Variants in ZNF804B observed in about 807,000 individuals in gnomAD.
ZNF804B encodes the protein zinc finger 804B.
A neutral mutation model predicts 101.4 loss-of-function variants in ZNF804B; 80 were observed. The ratio of observed to expected loss-of-function variants is 0.79; its 90% CI spans 0.66 to 0.95. The LOEUF (loss-of-function observed/expected upper bound fraction) is 0.95, where lower values mean the gene tolerates loss of function less well. Ranked by LOEUF, ZNF804B falls within the 40% of genes least tolerant of loss-of-function variation. The pLI is 0.00. For missense variants in ZNF804B, 1,673 were observed against 1,561.9 expected (o/e 1.07, Z -1.20); for synonymous variants, 622 against 558.8 (o/e 1.11, Z -1.59).
chr7:88,950,087 C>T (rs990271706), intron 1 of ZNF804B, among the ~76,000 whole-genome samples: 2 of 151,868 alleles, frequency 1.3e-5, no homozygotes, highest in African/African-American at 4.8e-5. Context: ...TCCTGTTAGA[C>T]CTGGTAAATC....
chr7:89,092,269 C>G (rs1401074196), intron 1 of ZNF804B, among the ~76,000 whole-genome samples: 1 of 151,740 alleles, frequency 6.6e-6, no homozygotes, highest in Non-Finnish European at 1.5e-5. Flanking sequence ...CTCCCAAAGT[C>G]CCTACCTTCT....
At chr7:89,104,504 C>A (rs1790106373) in intron 1 of ZNF804B, among the ~76,000 whole-genome samples, 2 of 151,762 alleles carry the variant, frequency 1.3e-5, no homozygotes, top group African/African-American at 4.8e-5. Context: ...TCCATTTTCC[C>A]TAAGTTTTCT....
At chr7:89,041,859 G>C (rs1184279546) in intron 1 of ZNF804B, among the ~76,000 whole-genome samples, 1 of 152,062 alleles carries the variant, frequency 6.6e-6, no homozygotes, top group Non-Finnish European at 1.5e-5. Flanking sequence ...CTTTTGTGAA[G>C]GTATTTTTAT....
intron 1 of ZNF804B, among the ~76,000 whole-genome samples, chr7:88,956,229 A>G (rs1003855150): frequency 6.6e-6 from 1 of 151,564 alleles, no homozygotes; most frequent in Non-Finnish European, 1.5e-5. Flanking sequence ...CAATCCCAGC[A>G]TTAGGTATTT....
At chr7:89,187,527 TATTAG>T (rs1788392026) in intron 1 of ZNF804B, among the ~76,000 whole-genome samples, 1 of 152,176 alleles carries the variant, frequency 6.6e-6, no homozygotes, top group African/African-American at 2.4e-5. Flanking sequence ...TGGCACAAAT[TATTAG>T]ATTAAAGAAA....
chr7:89,204,690 G>C (rs1788691244), intron 1 of ZNF804B, among the ~76,000 whole-genome samples: 1 of 152,220 alleles, frequency 6.6e-6, no homozygotes, highest in Middle Eastern at 3.4e-3. Context: ...TCATCATGTG[G>C]CATGGATTTG....
intron 1 of ZNF804B, among the ~76,000 whole-genome samples, chr7:88,902,421 A>G (rs1460277864): frequency 1.3e-5 from 2 of 152,044 alleles, no homozygotes; most frequent in Non-Finnish European, 1.5e-5. Context: ...TTTAAGCACA[A>G]TAAAAGAAAA....
At chr7:89,077,852 C>T (rs1789637008) in intron 1 of ZNF804B, among the ~76,000 whole-genome samples, 1 of 152,062 alleles carries the variant, frequency 6.6e-6, no homozygotes, top group Non-Finnish European at 1.5e-5. Flanking sequence ...ACCTAAAGTG[C>T]TATTCACCTT....
chr7:88,986,572 CT>C (rs1336128524), intron 1 of ZNF804B, among the ~76,000 whole-genome samples: 3 of 152,124 alleles, frequency 2.0e-5, no homozygotes, highest in Non-Finnish European at 2.9e-5. Context: ...TGTCAGCACT[CT>C]TTCACTTTGC....
rs190647881 is a variant in ZNF804B, at chr7:88,962,014, A to T, written c.108+201930A>T. On this transcript the variant is annotated intron_variant, in intron 1 of 3. Transcript: ENST00000333190. ...ACACAAGGTTTTAGTGTAGAATTTG[A>T]TTAAAATATACTCTGCTGCCTGGAA... 4.0e-4 allele frequency among the ~76,000 whole-genome samples: 60 copies of T among 151,432 alleles called. 1 individual carries two copies. The highest frequency in any genetic ancestry group is 1.3e-3 in the African/African-American group (54 of 41,450).
intron 1 of ZNF804B, among the ~76,000 whole-genome samples, chr7:89,185,311 G>A (rs947528245): frequency 3.3e-5 from 5 of 152,094 alleles, no homozygotes; most frequent in Non-Finnish European, 7.3e-5. Flanking sequence ...GAAGTCTTAC[G>A]CATAGAAGAT....
chr7:88,957,680 A>G (rs1793329784), intron 1 of ZNF804B, among the ~76,000 whole-genome samples: 1 of 151,322 alleles, frequency 6.6e-6, no homozygotes, highest in Non-Finnish European at 1.5e-5. Flanking sequence ...AGATTTTGAG[A>G]AAAAAAGTAT....
chr7:88,854,476 TC>T (rs777534362), intron 1 of ZNF804B, among the ~76,000 whole-genome samples: 69 of 48,616 alleles, frequency 1.4e-3, no homozygotes, highest in East Asian at 9.3e-3. Flanking sequence ...TCTTTCTTTC[TC>T]TTTCCTTTCC....
At chr7:88,850,813 A>G (rs1035737507) in intron 1 of ZNF804B, among the ~76,000 whole-genome samples, 1 of 152,136 alleles carries the variant, frequency 6.6e-6, no homozygotes, top group Non-Finnish European at 1.5e-5. Context: ...AACAACAAAA[A>G]TCATTCAAAA....
Position 88,814,416 on chromosome 7 carries a change from T to G in ZNF804B, c.108+54332T>G, listed in dbSNP as rs1790841108. ...TAATCTTTCTAGTCATAGAACCATATGAACCAATCACTGTCTCTTACCTCC... is the reference window on the plus strand; with the variant it reads ...TAATCTTTCTAGTCATAGAACCATAGGAACCAATCACTGTCTCTTACCTCC... On this transcript the variant is annotated intron_variant, in intron 1 of 3. Coordinates refer to ENST00000333190, the MANE Select transcript of ZNF804B (RefSeq NM_181646.5). 2.0e-5 allele frequency among the ~76,000 whole-genome samples: 3 copies of G among 151,172 alleles called. No individual in the cohort carries two copies. In the South Asian group the frequency reaches 6.3e-4, roughly 32 times the overall value.
rs76423424 is a variant in ZNF804B, at chr7:89,298,580, G to A, written c.250-28764G>A. On this transcript the variant is annotated intron_variant, in intron 2 of 3. Coordinates refer to ENST00000333190, the MANE Select transcript of ZNF804B (RefSeq NM_181646.5). ...TACATCTGTGTCTTTGCATGTATCT[G>A]TTGTTCATACCTTGTATTACAAAGC... 6.1e-4 allele frequency among the ~76,000 whole-genome samples: 93 copies of A among 151,694 alleles called. 1 individual carries two copies. The East Asian group carries it at 0.017, about 28-fold the overall frequency.
chr7:88,868,925 C>G (rs1251536255), intron 1 of ZNF804B, among the ~76,000 whole-genome samples: 1 of 152,056 alleles, frequency 6.6e-6, no homozygotes, highest in East Asian at 1.9e-4. Context: ...ACAAGTGCAG[C>G]CTGTTTATTT....
intron 1 of ZNF804B, among the ~76,000 whole-genome samples, chr7:89,149,159 T>C (rs1790833754): frequency 6.6e-6 from 1 of 152,078 alleles, no homozygotes; most frequent in Non-Finnish European, 1.5e-5. Flanking sequence ...TCACATCTTA[T>C]TTGTCCATTG....
chr7:89,127,852 A>G (rs866477568), intron 1 of ZNF804B, among the ~76,000 whole-genome samples: 9 of 151,556 alleles, frequency 5.9e-5, no homozygotes, highest in African/African-American at 1.4e-4. Flanking sequence ...CAGACAATAA[A>G]AAAGGTAAAA....
Sources: allele counts gnomAD v4.1 joint callset (sites outside exome capture counted in the v4.1 genomes callset), GRCh38; gene constraint gnomAD v4.1.1; transcripts MANE v1.5; gene names NCBI Gene and HGNC (gene_info 2026-07-23, HGNC 2026-07-21).